The following RAD51AP2 variants were observed in gnomAD, a reference collection of about 807,000 sequenced individuals.
The protein encoded by RAD51AP2 is RAD51 associated protein 2.
RAD51AP2 carries 67 observed loss-of-function variants against 85.5 expected under a neutral mutation model. That is an observed-to-expected ratio of 0.78 (90% CI 0.64 to 0.96). The LOEUF is 0.96. RAD51AP2 is among the 40% of genes least tolerant of loss of function. RAD51AP2 has a pLI of 0.00. For synonymous variants in RAD51AP2, 474 were observed against 446.5 expected (o/e 1.06, Z -0.78); for missense variants, 1,307 against 1,332.4 (o/e 0.98, Z 0.30).
chr2:17,519,250 T>A (rs953272206), upstream of RAD51AP2, among the ~76,000 whole-genome samples: 2 of 151,912 alleles, frequency 1.3e-5, no homozygotes, highest in African/African-American at 2.4e-5. Context: ...AACAAATTTT[T>A]AGACGCTATT....
chr2:17,528,002 A>G, the RAD51AP2 span, among the ~76,000 whole-genome samples: 18 of 152,212 alleles, frequency 1.2e-4, no homozygotes. Context: ...ATCATGGGAA[A>G]AATGATATAA....
At position 17,518,232 on chromosome 2, in the gene RAD51AP2, T is replaced by G. The variant is rs779718576; in HGVS notation, c.184A>C (p.Lys62Gln). 1.9e-6 allele frequency: 3 copies of G among 1,614,054 alleles called. No homozygotes were observed. The highest frequency in any genetic ancestry group is 2.5e-6 in the Non-Finnish European group (3 of 1,180,030). ...PLVPRLSEAE[K>Q]VWELSPRPFK... Reference sequence around the variant, plus strand: ...GGTCTAGGGGACAACTCCCAGACTTTTTCCGCCTCAGACAAGCGAGGCACC... The same window carrying G: ...GGTCTAGGGGACAACTCCCAGACTTGTTCCGCCTCAGACAAGCGAGGCACC... The change falls in exon 1 of 3, where the codon AAA becomes CAA. Residue 62 changes from lysine to glutamine, a missense_variant. Coordinates refer to ENST00000399080, the MANE Select transcript of RAD51AP2 (RefSeq NM_001099218.3).
chr2:17,526,652 G>A, the RAD51AP2 span, among the ~76,000 whole-genome samples: 5 of 152,054 alleles, frequency 3.3e-5, no homozygotes, highest in South Asian at 6.2e-4. Flanking sequence ...TCCAAAAGAA[G>A]TATCCCAGAT....
chr2:17,512,669 C>G (rs190801487), intron 2 of RAD51AP2, among the ~76,000 whole-genome samples: 1 of 152,240 alleles, frequency 6.6e-6, no homozygotes, highest in South Asian at 2.1e-4. Context: ...TATTCTATAT[C>G]AAAATATATT....
At chr2:17,522,264 C>A (rs1267907971), upstream of RAD51AP2, among the ~76,000 whole-genome samples, 2 of 151,974 alleles carry the variant, frequency 1.3e-5, no homozygotes, top group South Asian at 4.1e-4. Context: ...AACTTACTTT[C>A]CTGCAGCACT....
upstream of RAD51AP2, among the ~76,000 whole-genome samples, chr2:17,520,755 CT>C (rs35395483): frequency 2.2e-5 from 3 of 133,456 alleles, no homozygotes; most frequent in African/African-American, 5.1e-5. Context: ...CTTTCAGCTT[CT>C]TTTTTTTTTT....
At chr2:17,532,049 G>C in the RAD51AP2 span, among the ~76,000 whole-genome samples, 15 of 151,488 alleles carry the variant, frequency 9.9e-5, no homozygotes, top group Admixed American at 2.6e-4. Context: ...AGCCGGGGTG[G>C]GGGGGGAAGC....
chr2:17,510,923 G>A lies in RAD51AP2; in HGVS notation c.3361C>T (p.Arg1121Ter), dbSNP rs370709143. The change falls in exon 3 of 3, where the codon CGA becomes TGA. Residue 1121 changes from arginine to a stop codon, truncating the protein, a stop_gained. Transcript: ENST00000399080. LOFTEE classifies it high-confidence loss of function. ...SHFPHGISRV[R>*]PLKTCSRPIR... ...GGCCTACTGCATGTCTTAAGCGGTCGTACTCTTGAAATGCCATGTGGAAAG... is the reference window on the plus strand; with the variant it reads ...GGCCTACTGCATGTCTTAAGCGGTCATACTCTTGAAATGCCATGTGGAAAG... 8.1e-6 allele frequency: 13 copies of A among 1,599,952 alleles called. No individual in the cohort carries two copies. The highest frequency in any genetic ancestry group is 5.4e-5 in the African/African-American group (4 of 74,382).
chr2:17,533,361 A>G, the RAD51AP2 span, among the ~76,000 whole-genome samples: 1 of 152,216 alleles, frequency 6.6e-6, no homozygotes, highest in South Asian at 2.1e-4. Context: ...ACTAAAATCA[A>G]TACCATTGTC....
At chr2:17,532,824 G>T in the RAD51AP2 span, among the ~76,000 whole-genome samples, 2 of 152,120 alleles carry the variant, frequency 1.3e-5, no homozygotes, top group East Asian at 3.8e-4. Flanking sequence ...AAACAATTTA[G>T]CCAGCATGCA....
At chr2:17,518,469 T>C, upstream of RAD51AP2, 2 of 1,565,422 alleles carry the variant, frequency 1.3e-6, no homozygotes, top group East Asian at 2.2e-5. Context: ...AATCCCTTAA[T>C]AGGCGGTTCC....
At chr2:17,522,090 T>G (rs1473707837), upstream of RAD51AP2, among the ~76,000 whole-genome samples, 2 of 152,052 alleles carry the variant, frequency 1.3e-5, no homozygotes, top group Non-Finnish European at 2.9e-5. Context: ...TTACAAAAGT[T>G]TTTTTCTTAA....
At chr2:17,537,010 T>C in the RAD51AP2 span, among the ~76,000 whole-genome samples, 1 of 152,164 alleles carries the variant, frequency 6.6e-6, no homozygotes, top group Non-Finnish European at 1.5e-5. Context: ...CTGCATCTTT[T>C]AAAAAAAGAT....
chr2:17,515,982 T>C lies in RAD51AP2; in HGVS notation c.2434A>G (p.Thr812Ala). ...AAGTTCCAAAAATTTAGTACTTGAG[T>C]TATAGAAGTGGTATGGGTCTCTTCA... is the stretch of plus-strand genomic sequence containing the variant. The part of the protein sequence containing the change: ...HNEETHTTSI[T>A]QVLNFWNLLS... Residue 812 changes from threonine to alanine, a missense_variant, in exon 1 of 3, where the codon ACT becomes GCT. This residue lies in a region of RAD51AP2 where 668 missense variants were observed against 671.0 expected (regional missense o/e 1.00). Transcript: ENST00000399080. The C allele has an allele frequency of 6.2e-7, 1 of 1,612,448 alleles. No homozygotes were observed. Among genetic ancestry groups the C allele is most frequent in the African/African-American group, 1.3e-5 (1 of 74,930 alleles).
chr2:17,532,711 T>C, the RAD51AP2 span, among the ~76,000 whole-genome samples: 1 of 152,026 alleles, frequency 6.6e-6, no homozygotes, highest in African/African-American at 2.4e-5. Context: ...ACTAGATAGA[T>C]AGATGGATAG....
the RAD51AP2 span, among the ~76,000 whole-genome samples, chr2:17,526,549 C>T: frequency 6.6e-6 from 1 of 152,052 alleles, no homozygotes; most frequent in African/African-American, 2.4e-5. Flanking sequence ...AGACGAAGTG[C>T]CTCAGACCAT....
chr2:17,532,531 AT>A, the RAD51AP2 span, among the ~76,000 whole-genome samples: 1 of 152,158 alleles, frequency 6.6e-6, no homozygotes, highest in South Asian at 2.1e-4. Context: ...AGAAAAAAAA[AT>A]TATAAGAAAA....
the RAD51AP2 span, among the ~76,000 whole-genome samples, chr2:17,534,039 A>G: frequency 1.3e-5 from 2 of 152,234 alleles, no homozygotes; most frequent in African/African-American, 2.4e-5. Flanking sequence ...GGATTTTCCA[A>G]TAGAATTTCT....
chr2:17,510,619 A>G lies in RAD51AP2; in HGVS notation c.*185T>C. 1 of 394,962 alleles carries G rather than the reference A, an allele frequency of 2.5e-6. No individual in the cohort carries two copies. The highest frequency in any genetic ancestry group is 4.5e-6 in the Non-Finnish European group (1 of 224,324). 24.5% of individuals were successfully genotyped at this position (394,962 alleles called of 1,614,324 possible). A position where few individuals can be genotyped will look rare whatever the true frequency, so the allele number is the denominator to read the frequency against. On this transcript the variant is annotated 3_prime_UTR_variant, in exon 3 of 3. Coordinates refer to ENST00000399080, the MANE Select transcript of RAD51AP2 (RefSeq NM_001099218.3). ...AAACGGCTTTAATGTGTACATTTTT[A>G]TATCATATAAAAATCCATAAAATAT...
Sources: gnomAD v4.1 joint callset for allele counts (sites outside exome capture counted in the v4.1 genomes callset) on GRCh38, gnomAD v4.1.1 for gene constraint, gnomAD v4.1.1 regional missense constraint, MANE v1.5 for transcripts, NCBI Gene and HGNC (gene_info 2026-07-23, HGNC 2026-07-21) for gene names.